Variants in SPOPL observed in about 807,000 individuals in gnomAD.
SPOPL encodes the protein speckle-type POZ protein-like.
Under a neutral mutation model 53.8 loss-of-function variants are expected in SPOPL, and 23 were observed. That is an observed-to-expected ratio of 0.43 (90% CI 0.31 to 0.61). The LOEUF (loss-of-function observed/expected upper bound fraction) is 0.61. SPOPL is among the 20% of genes least tolerant of loss of function. SPOPL has a pLI of 0.12. For synonymous variants in SPOPL, 164 were observed against 149.7 expected (o/e 1.10, Z -0.70); for missense variants, 442 against 466.9 (o/e 0.95, Z 0.49).
intron 1 of SPOPL, among the ~76,000 whole-genome samples, chr2:138,504,204 A>G (rs77191911): frequency 0.011 from 1,658 of 152,356 alleles, 35 homozygotes; most frequent in African/African-American, 0.038. Flanking sequence ...ATAGTTTAAA[A>G]TCATTCTTGT....
At position 138,550,524 on chromosome 2, in the gene SPOPL, C is replaced by T. The variant is rs1049907307; in HGVS notation, c.120C>T (p.Asn40=). Residue 40 remains asparagine (N), a synonymous_variant, in exon 3 of 11, where the codon AAC becomes AAT. Transcript: ENST00000280098. ...VKFSYMWTIN[N]FSFCREEMGE... ...TTTCCTATATGTGGACCATTAATAA[C>T]TTCAGTTTTTGTCGAGAGGAAATGG... 6.2e-7 allele frequency: 1 copy of T among 1,611,868 alleles called. No homozygotes were observed. The highest frequency in any genetic ancestry group is 8.5e-7 in the Non-Finnish European group (1 of 1,178,390).
chr2:138,538,110 CGA>C (rs1323086996), intron 1 of SPOPL, among the ~76,000 whole-genome samples: 1 of 152,048 alleles, frequency 6.6e-6, no homozygotes, highest in Non-Finnish European at 1.5e-5. Context: ...TTAAATTCGT[CGA>C]GACTTGTTTT....
chr2:138,540,687 A>G (rs980956402), intron 1 of SPOPL, among the ~76,000 whole-genome samples: 33 of 152,224 alleles, frequency 2.2e-4, no homozygotes, highest in African/African-American at 8.0e-4. Context: ...GTCATCTGCA[A>G]ACAGGGACAA....
At chr2:138,511,344 A>G (rs886478275) in intron 1 of SPOPL, among the ~76,000 whole-genome samples, 1 of 152,166 alleles carries the variant, frequency 6.6e-6, no homozygotes, top group Non-Finnish European at 1.5e-5. Flanking sequence ...TTTTCTTAAG[A>G]GGGTATACCA....
chr2:138,568,916 C>A lies in SPOPL; in HGVS notation c.1035-20C>A, dbSNP rs1245804891. On this transcript the variant is annotated intron_variant, in intron 10 of 10. Transcript: ENST00000280098. ...TTGAAAAGTATTCTTTAGTAAATAT[C>A]TTTTAATTCTATTTTTCAGCCAAGC... is the stretch of plus-strand genomic sequence containing the variant. 6.2e-7 allele frequency: 1 copy of A among 1,612,704 alleles called. No homozygotes were observed. The highest frequency in any genetic ancestry group is 1.3e-5 in the African/African-American group (1 of 74,972).
intron 8 of SPOPL, among the ~76,000 whole-genome samples, chr2:138,561,469 C>T (rs975273196): frequency 6.6e-6 from 1 of 152,072 alleles, no homozygotes; most frequent in African/African-American, 2.4e-5. Flanking sequence ...CCTAAAAGCA[C>T]ATTCAGTATA....
intron 1 of SPOPL, among the ~76,000 whole-genome samples, chr2:138,505,301 A>AAT (rs1324498502): frequency 2.0e-5 from 3 of 152,188 alleles, no homozygotes; most frequent in Admixed American, 2.0e-4. Flanking sequence ...GAAGGCATTT[A>AAT]CATTTAGTGG....
intron 5 of SPOPL, among the ~76,000 whole-genome samples, chr2:138,555,154 G>GTA (rs1685396047): frequency 6.6e-6 from 1 of 151,330 alleles, no homozygotes; most frequent in Non-Finnish European, 1.5e-5. Flanking sequence ...GTGTGTGTGT[G>GTA]TGTGTGTGTG....
chr2:138,531,666 T>TA (rs1182609843), intron 1 of SPOPL, among the ~76,000 whole-genome samples: 1 of 152,196 alleles, frequency 6.6e-6, no homozygotes, highest in Non-Finnish European at 1.5e-5. Flanking sequence ...TTTCTAGTCT[T>TA]ACCTTTTGCT....
intron 1 of SPOPL, among the ~76,000 whole-genome samples, chr2:138,543,916 G>A (rs539334147): frequency 1.3e-4 from 20 of 152,080 alleles, no homozygotes; most frequent in African/African-American, 2.9e-4. Flanking sequence ...GGTTTTTGGC[G>A]TGGATGTCCT....
chr2:138,562,980 A>G (rs1685582976), intron 8 of SPOPL, among the ~76,000 whole-genome samples: 1 of 152,138 alleles, frequency 6.6e-6, no homozygotes, highest in South Asian at 2.1e-4. Context: ...TCTTCGAAAG[A>G]CAGAATAAAA....
chr2:138,521,976 A>C lies in SPOPL; in HGVS notation c.-61+19857A>C, dbSNP rs556335597. Among the ~76,000 whole-genome samples the C allele has an allele frequency of 4.6e-5, 7 of 152,308 alleles. No individual in the cohort carries two copies. In the East Asian group the frequency reaches 1.2e-3, roughly 25 times the overall value. On this transcript the variant is annotated intron_variant, in intron 1 of 10. Transcript: ENST00000280098. ...AGCGGTATTGACAGCTTCCTAGTTC[A>C]GCCTTCAGACTAGAACAGAGGTTCT... is the stretch of plus-strand genomic sequence containing the variant.
chr2:138,546,330 G>T (rs1685195224), intron 1 of SPOPL, among the ~76,000 whole-genome samples: 1 of 152,144 alleles, frequency 6.6e-6, no homozygotes, highest in South Asian at 2.1e-4. Flanking sequence ...TGATTGTCTT[G>T]TGTTTTTCTC....
rs1685282277 is a variant in SPOPL at position 138,550,156 on chromosome 2, G to A, written c.-60-1G>A. On this transcript the variant is annotated splice_acceptor_variant, in intron 1 of 10. Coordinates refer to ENST00000280098, the MANE Select transcript of SPOPL (RefSeq NM_001001664.3). LOFTEE classifies it low-confidence loss of function (5UTR_SPLICE). ...GTACATCAAACTTCTTTCCTTTGTA[G>A]GTAAGGTACTCAACTGTGTGGGGTA... 14 of 1,476,078 alleles carry A rather than the reference G, an allele frequency of 9.5e-6. No homozygotes were observed. The highest frequency in any genetic ancestry group is 8.6e-5 in the Admixed American group (5 of 58,218). 91.4% of individuals were successfully genotyped at this position (1,476,078 alleles called of 1,614,324 possible).
intron 1 of SPOPL, among the ~76,000 whole-genome samples, chr2:138,509,909 A>G (rs936946736): frequency 1.3e-5 from 2 of 152,178 alleles, no homozygotes; most frequent in Non-Finnish European, 2.9e-5. Flanking sequence ...ACCTAGGTCT[A>G]TTCATTCTTC....
In SPOPL at chr2:138,501,898, G is replaced by A. The variant is rs992850869; in HGVS notation, c.-282G>A. 6.5e-6 allele frequency: 1 copy of A among 152,704 alleles called. No individual in the cohort carries two copies. Among genetic ancestry groups the A allele is most frequent in the East Asian group, 1.9e-4 (1 of 5,190 alleles). 9.5% of individuals were successfully genotyped at this position (152,704 alleles called of 1,614,324 possible). On this transcript the variant is annotated 5_prime_UTR_variant, in exon 1 of 11. Transcript: ENST00000280098. Reference sequence around the variant, plus strand: ...GCGGAGGTGGCCGCCCCTGGCGGCGGGTTTGTTTATCCCGGGGAAGAAGTT... The same window carrying A: ...GCGGAGGTGGCCGCCCCTGGCGGCGAGTTTGTTTATCCCGGGGAAGAAGTT...
rs199610841 is a variant in SPOPL, at chr2:138,552,632, A to T, written c.431A>T (p.Asp144Val). 1 of 1,613,036 alleles carries T rather than the reference A, an allele frequency of 6.2e-7. No homozygotes were observed. The highest frequency in any genetic ancestry group is 8.5e-7 in the Non-Finnish European group (1 of 1,179,346). Residue 144 changes from aspartate (D) to valine (V), a missense_variant, in exon 5 of 11, where the codon GAT (aspartate) becomes GTT (valine). Physicochemically the swap from Asp to Val is radical, Grantham distance 152. Coordinates refer to ENST00000280098, the MANE Select transcript of SPOPL (RefSeq NM_001001664.3). Reference protein sequence around the residue: ...KKFIRRDFLLDEANGLLPDDK... With the variant: ...KKFIRRDFLLVEANGLLPDDK... ...TTCATTAGAAGGGACTTTTTGCTTG[A>T]TGAAGCTAATGGTCTTTTACCAGAT...
Position 138,517,197 on chromosome 2 carries a change from A to G in SPOPL, c.-61+15078A>G, listed in dbSNP as rs77750836. Among the ~76,000 whole-genome samples, 10 of 152,328 alleles carry G rather than the reference A, an allele frequency of 6.6e-5. No homozygotes were observed. In the East Asian group the frequency reaches 1.5e-3, roughly 24 times the overall value. Reference sequence around the variant, plus strand: ...AATTTTTTACATAAATAGGTGGATGACAGGTTCTTGATGGATTATAGAGGG... The same window carrying G: ...AATTTTTTACATAAATAGGTGGATGGCAGGTTCTTGATGGATTATAGAGGG... On this transcript the variant is annotated intron_variant, in intron 1 of 10. Coordinates refer to ENST00000280098, the MANE Select transcript of SPOPL (RefSeq NM_001001664.3).
chr2:138,550,389 A>G (rs991331113), intron 2 of SPOPL, 94 bp from the exon 3 acceptor site: 13 of 1,582,926 alleles, frequency 8.2e-6, no homozygotes, highest in Non-Finnish European at 1.1e-5. Flanking sequence ...TAGTTATTAG[A>G]AGTGTTAGAA....
Sources: allele counts gnomAD v4.1 joint callset (sites outside exome capture counted in the v4.1 genomes callset), GRCh38; gene constraint gnomAD v4.1.1; transcripts MANE v1.5; gene names NCBI Gene and HGNC (gene_info 2026-07-23, HGNC 2026-07-21).